CCDC3: variants seen among roughly 807,000 people sequenced by gnomAD.
The protein encoded by CCDC3 is coiled-coil domain containing 3.
CCDC3 carries 24 observed loss-of-function variants against 21.4 expected under a neutral mutation model. The ratio of observed to expected loss-of-function variants is 1.12; its 90% CI spans 0.81 to 1.58. CCDC3 has a LOEUF of 1.58. Ranked by LOEUF, CCDC3 falls within the 40% of genes most tolerant of loss-of-function variation. The pLI is 0.00. For synonymous variants in CCDC3, 186 were observed against 166.0 expected, an observed-to-expected ratio of 1.12 and a Z score of -0.93; for missense variants, 425 against 360.9, an observed-to-expected ratio of 1.18 and a Z score of -1.44.
intron 4 of CCDC3, among the ~76,000 whole-genome samples, chr10:13,065,949 C>T (rs984367220): frequency 2.6e-5 from 4 of 152,236 alleles, no homozygotes; most frequent in South Asian, 2.1e-4. Context: ...AATGAGTGAA[C>T]GAATGAGTGG....
At chr10:12,970,869 G>A (rs550952489) in intron 2 of CCDC3, among the ~76,000 whole-genome samples, 2 of 144,914 alleles carry the variant, frequency 1.4e-5, no homozygotes, top group Non-Finnish European at 3.0e-5. Flanking sequence ...TAGCCTGGGC[G>A]ACAGAGCAAG....
At chr10:13,035,916 C>T (rs549480896) in intron 5 of CCDC3, among the ~76,000 whole-genome samples, 4 of 151,816 alleles carry the variant, frequency 2.6e-5, no homozygotes, top group East Asian at 2.0e-4. Context: ...AAGGCCAAGG[C>T]GGATGGATCA....
At chr10:13,076,986 CAT>C (rs1459961664) in intron 3 of CCDC3, among the ~76,000 whole-genome samples, 1 of 152,102 alleles carries the variant, frequency 6.6e-6, no homozygotes, top group Non-Finnish European at 1.5e-5. Context: ...TCCTATTACA[CAT>C]AGTGTTGGAA....
rs770704967 is a variant in CCDC3, at chr10:12,998,395, C to T, written c.492G>A (p.Ser164=). Residue 164 remains serine, a synonymous_variant, in exon 2 of 3, where the codon TCG becomes TCA. Transcript: ENST00000378825. ...FSSLFQFSNC[S]QGQQLATFSS... is the part of the protein sequence containing the mutation. ...AGAAAGTCGCCAGCTGCTGCCCTTG[C>T]GAACAGTTTGAAAACTGGAAAAGGC... The T allele has an allele frequency of 2.2e-5, 35 of 1,614,014 alleles. No individual in the cohort carries two copies. Among genetic ancestry groups the T allele is most frequent in the African/African-American group, 1.5e-4 (11 of 74,898 alleles).
Position 13,092,935 on chromosome 10 carries a change from T to C in CCDC3, c.-503+5590A>G, listed in dbSNP as rs182092110. 2.1e-3 allele frequency among the ~76,000 whole-genome samples: 323 copies of C among 151,730 alleles called. 2 individuals carry two copies. Among genetic ancestry groups the C allele is most frequent in the Admixed American group, 0.015 (221 of 15,224 alleles). ...GGTCAAGGCAACCTGGTGAGAGAAA[T>C]GTTGACTTTTCGTGGGTATAAAAGG... On this transcript the variant is annotated intron_variant, in intron 3 of 6. Coordinates refer to the CCDC3 transcript ENST00000378839.
At chr10:13,080,931 G>A (rs1378940830) in intron 3 of CCDC3, among the ~76,000 whole-genome samples, 1 of 152,240 alleles carries the variant, frequency 6.6e-6, no homozygotes, top group Non-Finnish European at 1.5e-5. Context: ...AAACGCACAG[G>A]GGTGATGAGG....
At chr10:12,984,118 C>T (rs11258104) in intron 2 of CCDC3, among the ~76,000 whole-genome samples, 13,153 of 152,176 alleles carry the variant, frequency 0.086, 663 homozygotes, top group East Asian at 0.15. Context: ...AGTGAAAAGA[C>T]AGCACACACA....
chr10:13,025,349 C>T (rs562245127), intron 5 of CCDC3, among the ~76,000 whole-genome samples: 1 of 152,316 alleles, frequency 6.6e-6, no homozygotes, highest in African/African-American at 2.4e-5. Context: ...CCTATCAAGC[C>T]TTCCCTTGCA....
At chr10:12,981,597 G>A (rs1426222678) in intron 2 of CCDC3, among the ~76,000 whole-genome samples, 1 of 152,116 alleles carries the variant, frequency 6.6e-6, no homozygotes, top group African/African-American at 2.4e-5. Context: ...AAATTCAGGA[G>A]GAAATGAGGC....
intron 2 of CCDC3, among the ~76,000 whole-genome samples, chr10:12,968,062 T>C (rs1835286819): frequency 6.6e-6 from 1 of 151,660 alleles, no homozygotes; most frequent in Non-Finnish European, 1.5e-5. Context: ...CCAGCTACTC[T>C]GGAGGCTGAG....
At chr10:13,090,098 T>C (rs1832547155) in intron 3 of CCDC3, among the ~76,000 whole-genome samples, 1 of 146,738 alleles carries the variant, frequency 6.8e-6, no homozygotes, top group South Asian at 2.2e-4. Context: ...TTTCTTTTTT[T>C]TTTTTTTTTG....
chr10:12,917,223 T>C (rs1464598326), intron 2 of CCDC3, among the ~76,000 whole-genome samples: 8 of 140,214 alleles, frequency 5.7e-5, no homozygotes, highest in African/African-American at 2.1e-4. Context: ...TGAGACAGTC[T>C]TGCTCTGTTG....
chr10:12,930,746 C>A (rs568252631), intron 2 of CCDC3, among the ~76,000 whole-genome samples: 1 of 152,166 alleles, frequency 6.6e-6, no homozygotes, highest in South Asian at 2.1e-4. Flanking sequence ...ACTAACCATC[C>A]CACAATGGAT....
intron 2 of CCDC3, among the ~76,000 whole-genome samples, chr10:12,982,941 A>G (rs749882324): frequency 1.8e-4 from 27 of 147,762 alleles, no homozygotes; most frequent in Admixed American, 4.0e-4. Flanking sequence ...CGTGAAACCC[A>G]TCTCCACTAA....
intron 5 of CCDC3, among the ~76,000 whole-genome samples, chr10:13,042,906 CAAAAAAAA>C (rs55911312): frequency 6.0e-5 from 6 of 100,426 alleles, no homozygotes; most frequent in African/African-American, 1.3e-4. Flanking sequence ...GAGACTGTCT[CAAAAAAAA>C]AAAAAAAAAA....
At chr10:12,913,577 T>C (rs1473720721) in intron 2 of CCDC3, among the ~76,000 whole-genome samples, 1 of 152,252 alleles carries the variant, frequency 6.6e-6, no homozygotes, top group African/African-American at 2.4e-5. Flanking sequence ...TTCATTTCTT[T>C]CTCTTGCCTA....
intron 3 of CCDC3, among the ~76,000 whole-genome samples, chr10:13,096,860 G>A (rs184546318): frequency 2.0e-5 from 3 of 152,248 alleles, no homozygotes; most frequent in Non-Finnish European, 4.4e-5. Flanking sequence ...GGGCGGGGGA[G>A]TCACTCCTCC....
chr10:12,903,635 C>T (rs1441699397), intron 2 of CCDC3, among the ~76,000 whole-genome samples: 1 of 152,188 alleles, frequency 6.6e-6, no homozygotes, highest in African/African-American at 2.4e-5. Context: ...TCAGCGCCTC[C>T]CAGGTGCTTG....
At chr10:13,040,123 TC>T (rs1398496133) in intron 5 of CCDC3, among the ~76,000 whole-genome samples, 1 of 151,988 alleles carries the variant, frequency 6.6e-6, no homozygotes, top group Non-Finnish European at 1.5e-5. Flanking sequence ...AGGTTGTCTG[TC>T]CCAGGAAAGA....
Sources: allele counts gnomAD v4.1 joint callset (sites outside exome capture counted in the v4.1 genomes callset), GRCh38; gene constraint gnomAD v4.1.1; transcripts MANE v1.5; gene names NCBI Gene and HGNC (gene_info 2026-07-23, HGNC 2026-07-21).